Variants in ENOX2 observed in about 807,000 individuals in gnomAD.
ENOX2 encodes the protein APK1 antigen.
A neutral mutation model predicts 45.0 loss-of-function variants in ENOX2; 36 were observed. That is an observed-to-expected ratio of 0.80 (90% confidence interval 0.61 to 1.06). The LOEUF (loss-of-function observed/expected upper bound fraction) is 1.06. Among genes scored for constraint, ENOX2 ranks in the 50% least tolerant of loss-of-function variants. ENOX2 has a pLI of 0.00. For synonymous variants in ENOX2, 174 were observed against 152.3 expected (o/e 1.14, Z -1.05); for missense variants, 423 against 462.5 (o/e 0.91, Z 0.78).
chrX:130,677,001 T>C (rs767093736), intron 6 of ENOX2, among the ~76,000 whole-genome samples: 1 of 112,311 alleles, frequency 8.9e-6, no homozygotes, highest in Non-Finnish European at 1.9e-5. Flanking sequence ...CCTCCTCTCA[T>C]GTCTACTTAG....
At chrX:130,739,148 G>A (rs1414677328) in intron 3 of ENOX2, among the ~76,000 whole-genome samples, 1 of 112,653 alleles carries the variant, frequency 8.9e-6, no homozygotes, top group Non-Finnish European at 1.9e-5. Context: ...GATATGCTCA[G>A]TGGAAACCAT....
intron 2 of ENOX2, among the ~76,000 whole-genome samples, chrX:130,802,525 T>C (rs1315403585): frequency 8.9e-6 from 1 of 112,291 alleles, no homozygotes; most frequent in Non-Finnish European, 1.9e-5. Flanking sequence ...ACCTCACAGC[T>C]ACTTTGTGAG....
intron 2 of ENOX2, among the ~76,000 whole-genome samples, chrX:130,836,367 C>G (rs1378616686): frequency 3.6e-5 from 4 of 110,892 alleles, no homozygotes; most frequent in Non-Finnish European, 7.6e-5. Context: ...GTCACGTAAC[C>G]TTAGCAAGAC....
chrX:130,879,833 CA>C (rs1244388622), intron 2 of ENOX2, among the ~76,000 whole-genome samples: 4 of 111,845 alleles, frequency 3.6e-5, no homozygotes, highest in Non-Finnish European at 7.5e-5. Context: ...GTTTCCTAAA[CA>C]AAGTAAAAAT....
intron 2 of ENOX2, among the ~76,000 whole-genome samples, chrX:130,866,344 A>G (rs1469868085): frequency 8.9e-6 from 1 of 111,826 alleles, no homozygotes; most frequent in East Asian, 2.8e-4. Context: ...GTTAATTTCC[A>G]TCACTTTCAT....
chrX:130,667,938 A>G (rs766006370), intron 7 of ENOX2, among the ~76,000 whole-genome samples, 196 bp from the exon 8 acceptor site: 1 of 111,237 alleles, frequency 9.0e-6, no homozygotes, highest in African/African-American at 3.3e-5. Flanking sequence ...GGAAGGATCA[A>G]TGTAGTCAGA....
At chrX:130,794,230 G>T (rs1262937830) in intron 2 of ENOX2, among the ~76,000 whole-genome samples, 1 of 112,408 alleles carries the variant, frequency 8.9e-6, no homozygotes, top group Non-Finnish European at 1.9e-5. Context: ...AATGTGCCCA[G>T]AGGTACTCTA....
intron 3 of ENOX2, among the ~76,000 whole-genome samples, chrX:130,783,340 T>C (rs1197868759): frequency 8.9e-6 from 1 of 112,033 alleles, no homozygotes; most frequent in Non-Finnish European, 1.9e-5. Context: ...ACAGCACTGA[T>C]GATACTCTAT....
rs185570698 is a variant in ENOX2, at chrX:130,748,259, T to C, written c.-39+35288A>G. On this transcript the variant is annotated intron_variant, in intron 3 of 14. Coordinates refer to ENST00000394363, the MANE Select transcript of ENOX2 (RefSeq NM_006375.4). ...GATACTGTGGGAAGTATATTACTCCTTACTTACATTGTCTCATTTATTTCT... is the reference window on the plus strand; with the variant it reads ...GATACTGTGGGAAGTATATTACTCCCTACTTACATTGTCTCATTTATTTCT... Among the ~76,000 whole-genome samples the C allele has an allele frequency of 3.6e-5, 4 of 112,192 alleles. No individual in the cohort carries two copies. In the Admixed American group the frequency reaches 3.8e-4, roughly 11 times the overall value.
intron 2 of ENOX2, among the ~76,000 whole-genome samples, chrX:130,801,463 G>A (rs1255243928): frequency 9.0e-6 from 1 of 111,349 alleles, no homozygotes; most frequent in East Asian, 2.8e-4. Flanking sequence ...ACTGATCCAT[G>A]GCTCACCACT....
intron 2 of ENOX2, among the ~76,000 whole-genome samples, chrX:130,826,013 T>C (rs1808542106): frequency 9.0e-6 from 1 of 111,197 alleles, no homozygotes. Flanking sequence ...GGAAAAAATA[T>C]AGCATTATAT....
chrX:130,632,586 T>C (rs1353737968), intron 12 of ENOX2, among the ~76,000 whole-genome samples: 2 of 111,904 alleles, frequency 1.8e-5, no homozygotes, highest in Non-Finnish European at 3.8e-5. Context: ...GAAATGCTCC[T>C]TGGGGGGCAG....
intron 3 of ENOX2, among the ~76,000 whole-genome samples, chrX:130,723,776 T>C (rs2038538756): frequency 8.9e-6 from 1 of 111,890 alleles, no homozygotes; most frequent in African/African-American, 3.3e-5. Context: ...TCTTGTACCA[T>C]AGAAAGTATT....
intron 3 of ENOX2, among the ~76,000 whole-genome samples, chrX:130,739,475 G>A (rs2038932052): frequency 8.9e-6 from 1 of 112,545 alleles, no homozygotes; most frequent in South Asian, 3.7e-4. Context: ...CCATCTTTAA[G>A]TTGAGGAACA....
intron 2 of ENOX2, among the ~76,000 whole-genome samples, chrX:130,868,927 A>T (rs2148549015): frequency 9.0e-6 from 1 of 111,421 alleles, no homozygotes; most frequent in Non-Finnish European, 1.9e-5. Flanking sequence ...TCCTCTTCCT[A>T]CTCATAAAAT....
At chrX:130,691,907 C>T (rs1386524967) in intron 4 of ENOX2, among the ~76,000 whole-genome samples, 1 of 112,922 alleles carries the variant, frequency 8.9e-6, no homozygotes, top group African/African-American at 3.2e-5. Context: ...AATATAACTC[C>T]TGACTGATGT....
intron 2 of ENOX2, among the ~76,000 whole-genome samples, chrX:130,787,039 A>G (rs1419607605): frequency 1.1e-5 from 1 of 88,647 alleles, no homozygotes; most frequent in African/African-American, 4.2e-5. Flanking sequence ...AAGTGTTCCT[A>G]TTTCTCCACA....
intron 13 of ENOX2, among the ~76,000 whole-genome samples, chrX:130,629,636 A>C (rs923905903): frequency 8.9e-6 from 1 of 112,212 alleles, no homozygotes; most frequent in African/African-American, 3.2e-5. Flanking sequence ...GTGCATCTTT[A>C]TTAACATATC....
At chrX:130,811,554 G>T (rs1176583311) in intron 2 of ENOX2, among the ~76,000 whole-genome samples, 1 of 112,166 alleles carries the variant, frequency 8.9e-6, no homozygotes, top group East Asian at 2.8e-4. Context: ...TCTCTAAATG[G>T]ACTGACTAGT....
Sources: gnomAD v4.1 joint callset for allele counts (sites outside exome capture counted in the v4.1 genomes callset) on GRCh38, gnomAD v4.1.1 for gene constraint, MANE v1.5 for transcripts, NCBI Gene and HGNC (gene_info 2026-07-23, HGNC 2026-07-21) for gene names.